Variants in FRMD6 observed in about 807,000 individuals in gnomAD.
FRMD6 encodes FERM domain-containing protein 6.
Under a neutral mutation model 73.2 loss-of-function variants are expected in FRMD6, and 37 were observed. That is an observed-to-expected ratio of 0.51 (90% confidence interval 0.39 to 0.66). The LOEUF (loss-of-function observed/expected upper bound fraction) is 0.66, where lower values mean the gene tolerates loss of function less well. Among genes scored for constraint, FRMD6 ranks in the 30% least tolerant of loss-of-function variants. The probability of loss-of-function intolerance (pLI) is 0.00; values close to 1 mark genes in which losing one functional copy is unlikely to be tolerated. For missense variants in FRMD6, 714 were observed against 780.5 expected, an observed-to-expected ratio of 0.91 and a Z score of 1.02; for synonymous variants, 273 against 282.2, an observed-to-expected ratio of 0.97 and a Z score of 0.33.
intron 10 of FRMD6, among the ~76,000 whole-genome samples, chr14:51,718,628 C>G (rs1265859838): frequency 6.6e-6 from 1 of 152,234 alleles, no homozygotes; most frequent in East Asian, 1.9e-4. Flanking sequence ...AGGCCCCAGT[C>G]TGCTCCCTGA....
At chr14:51,536,235 A>G (rs188185926) in intron 1 of FRMD6, among the ~76,000 whole-genome samples, 1 of 150,982 alleles carries the variant, frequency 6.6e-6, no homozygotes, top group Admixed American at 6.6e-5. Flanking sequence ...CTGGGACTAC[A>G]TGCCCATGCT....
the FRMD6 span, among the ~76,000 whole-genome samples, chr14:51,479,904 T>G: frequency 6.6e-6 from 1 of 152,166 alleles, no homozygotes; most frequent in African/African-American, 2.4e-5. Context: ...GACTGTGTAT[T>G]GACTTCGTGG....
At chr14:51,629,464 T>C (rs1276419637) in intron 2 of FRMD6, among the ~76,000 whole-genome samples, 2 of 152,192 alleles carry the variant, frequency 1.3e-5, no homozygotes, top group African/African-American at 4.8e-5. Context: ...ATAAAATATA[T>C]TTTACATTCC....
chr14:51,475,854 C>G, the FRMD6 span, among the ~76,000 whole-genome samples: 21 of 152,216 alleles, frequency 1.4e-4, no homozygotes, highest in African/African-American at 4.8e-4. Flanking sequence ...AAGCCATATG[C>G]TGAGGTCCAC....
chr14:51,514,707 G>A (rs1884520803), intron 1 of FRMD6, among the ~76,000 whole-genome samples: 2 of 152,062 alleles, frequency 1.3e-5, no homozygotes, highest in South Asian at 4.1e-4. Flanking sequence ...AATTAGCTGG[G>A]CATGGTGGCG....
chr14:51,660,613 GAAA>G (rs10605746), intron 1 of FRMD6, among the ~76,000 whole-genome samples: 22,147 of 139,534 alleles, frequency 0.16, 1,739 homozygotes, highest in African/African-American at 0.22. Context: ...TAAAATAAAG[GAAA>G]AAAAAAAAAA....
At chr14:51,690,108 T>G (rs984123142) in intron 2 of FRMD6, among the ~76,000 whole-genome samples, 173 bp downstream of exon 2, 2 of 152,196 alleles carry the variant, frequency 1.3e-5, no homozygotes, top group African/African-American at 4.8e-5. Flanking sequence ...GTGGCTTGTG[T>G]GCAGCTGCCT....
the FRMD6 span, among the ~76,000 whole-genome samples, chr14:51,424,417 A>G: frequency 5.3e-5 from 8 of 152,246 alleles, no homozygotes; most frequent in Admixed American, 2.6e-4. Context: ...CAAATCCTTT[A>G]AATTCATATC....
At chr14:51,693,456 T>C (rs1895740162) in intron 2 of FRMD6, among the ~76,000 whole-genome samples, 1 of 152,188 alleles carries the variant, frequency 6.6e-6, no homozygotes, top group African/African-American at 2.4e-5. Context: ...GGTACCTGGG[T>C]TGAAATCCCT....
At chr14:51,628,629 A>G (rs1891205534) in intron 2 of FRMD6, among the ~76,000 whole-genome samples, 1 of 151,828 alleles carries the variant, frequency 6.6e-6, no homozygotes, top group Non-Finnish European at 1.5e-5. Context: ...CCAGGCCAAC[A>G]TGGTGAAATG....
chr14:51,634,695 C>T (rs535270040), intron 2 of FRMD6, among the ~76,000 whole-genome samples: 9 of 152,152 alleles, frequency 5.9e-5, no homozygotes, highest in South Asian at 2.1e-4. Flanking sequence ...ATAGAAAATT[C>T]CCTCTCACAA....
the FRMD6 span, among the ~76,000 whole-genome samples, chr14:51,398,098 T>C: frequency 6.6e-6 from 1 of 152,226 alleles, no homozygotes; most frequent in African/African-American, 2.4e-5. Flanking sequence ...GAGAAAGTTG[T>C]TATACATATT....
At chr14:51,623,471 A>G (rs1198345769) in intron 2 of FRMD6, among the ~76,000 whole-genome samples, 2 of 152,202 alleles carry the variant, frequency 1.3e-5, no homozygotes, top group Non-Finnish European at 2.9e-5. Context: ...CAAATTACTC[A>G]GCTGTCTTCC....
chr14:51,490,666 T>C (rs1201849533), intron 1 of FRMD6, among the ~76,000 whole-genome samples: 3 of 144,520 alleles, frequency 2.1e-5, no homozygotes, highest in Non-Finnish European at 4.7e-5. Flanking sequence ...TTTAGTAACC[T>C]TTACCTACCT....
At chr14:51,610,895 G>C (rs969871687) in intron 2 of FRMD6, among the ~76,000 whole-genome samples, 1 of 152,198 alleles carries the variant, frequency 6.6e-6, no homozygotes, top group African/African-American at 2.4e-5. Flanking sequence ...CTATGACTTT[G>C]ACTTTTCTTT....
Position 51,720,410 on chromosome 14 carries a change from A to G in FRMD6, c.1360+20A>G, listed in dbSNP as rs1170135533. ...ACGATGGTAACAGTACTGTCCCCTC[A>G]CTGGCTCTCTGTTTAGTCTCCCAGT... On this transcript the variant is annotated intron_variant, in intron 11 of 13. Transcript: ENST00000344768. 1.9e-6 allele frequency: 3 copies of G among 1,603,648 alleles called. No individual in the cohort carries two copies. Among genetic ancestry groups the G allele is most frequent in the Admixed American group, 3.3e-5 (2 of 59,792 alleles).
At chr14:51,549,595 C>CTTTTTTTTTTTTTTTTTTTTTTTTTTTT (rs35356416) in intron 1 of FRMD6, among the ~76,000 whole-genome samples, 1 of 98,012 alleles carries the variant, frequency 1.0e-5, no homozygotes, top group Non-Finnish European at 1.9e-5. Flanking sequence ...TTTTTTCTTT[C>CTTTTTTTTTTTTTTTTTTTTTTTTTTTT]TTTTTTTTTT....
At chr14:51,651,831 GC>G (rs1486986571), upstream of FRMD6, 2 of 127,200 alleles carry the variant, frequency 1.6e-5, no homozygotes, top group Non-Finnish European at 3.4e-5. Flanking sequence ...ATTCGGGGGG[GC>G]GGGTCGGGTC....
At chr14:51,644,629 G>A (rs1346139214) in intron 2 of FRMD6, among the ~76,000 whole-genome samples, 2 of 152,138 alleles carry the variant, frequency 1.3e-5, no homozygotes, top group Non-Finnish European at 1.5e-5. Context: ...ATTTCACAAT[G>A]ATTTGTATAT....
Sources: gnomAD v4.1 joint callset for allele counts (sites outside exome capture counted in the v4.1 genomes callset) on GRCh38, gnomAD v4.1.1 for gene constraint, MANE v1.5 for transcripts, NCBI Gene and HGNC (gene_info 2026-07-23, HGNC 2026-07-21) for gene names.